IPCEF1: variants seen among roughly 807,000 people sequenced by gnomAD.
IPCEF1 encodes interactor protein for cytohesin exchange factors 1.
Under a neutral mutation model 50.9 loss-of-function variants are expected in IPCEF1, and 31 were observed. The observed-to-expected ratio is 0.61, with a 90% confidence interval of 0.46 to 0.82. The LOEUF (loss-of-function observed/expected upper bound fraction) is 0.82. Ranked by LOEUF, IPCEF1 falls within the 40% of genes least tolerant of loss-of-function variation. The pLI is 0.00. For synonymous variants in IPCEF1, 181 were observed against 192.0 expected (o/e 0.94, Z 0.47); for missense variants, 458 against 514.0 (o/e 0.89, Z 1.05).
chr6:154,296,784 A>G (rs1333615901), intron 1 of IPCEF1, among the ~76,000 whole-genome samples: 1 of 147,464 alleles, frequency 6.8e-6, no homozygotes, highest in Non-Finnish European at 1.5e-5. Flanking sequence ...AGCGGAGATC[A>G]CCCCACTGCA....
intron 1 of IPCEF1, among the ~76,000 whole-genome samples, chr6:154,326,570 C>CA (rs1485283407): frequency 6.6e-6 from 1 of 151,962 alleles, no homozygotes; most frequent in Non-Finnish European, 1.5e-5. Flanking sequence ...AGAGAGGACA[C>CA]AAAAAAATGG....
intron 3 of IPCEF1, among the ~76,000 whole-genome samples, chr6:154,252,338 G>T (rs531475034): frequency 6.6e-6 from 1 of 152,250 alleles, no homozygotes; most frequent in African/African-American, 2.4e-5. Context: ...CAAGAGAAAG[G>T]TAGGTCCAAA....
chr6:154,189,267 G>C (rs1200156287), intron 10 of IPCEF1, among the ~76,000 whole-genome samples: 1 of 152,196 alleles, frequency 6.6e-6, no homozygotes, highest in African/African-American at 2.4e-5. Context: ...GGGGCTTTGA[G>C]AGCGCTCATC....
intron 1 of IPCEF1, among the ~76,000 whole-genome samples, chr6:154,324,414 T>C (rs1230471571): frequency 1.3e-5 from 2 of 151,330 alleles, no homozygotes; most frequent in Admixed American, 1.3e-4. Context: ...TGAAAAATAA[T>C]AATAAAATAA....
intron 5 of IPCEF1, among the ~76,000 whole-genome samples, chr6:154,230,624 A>T (rs763427634): frequency 5.4e-4 from 83 of 152,358 alleles, no homozygotes; most frequent in South Asian, 2.7e-3. Flanking sequence ...GGACCAAGCC[A>T]GAAACAGATG....
At position 154,207,984 on chromosome 6, in the gene IPCEF1, C is replaced by T. The variant is rs779593925; in HGVS notation, c.537+4786G>A. ...CACCCCACTGCTATCCCGATGGAAT[C>T]GCTGCCATCTTTTGCAATAGCTTAC... is the stretch of plus-strand genomic sequence containing the variant. On this transcript the variant is annotated intron_variant, in intron 9 of 11. Transcript: ENST00000367220. Among the ~76,000 whole-genome samples, 6 of 152,162 alleles carry T rather than the reference C, an allele frequency of 3.9e-5. No individual in the cohort carries two copies. The South Asian group carries it at 6.2e-4, about 16-fold the overall frequency.
chr6:154,297,624 A>G (rs1782697219), intron 1 of IPCEF1, among the ~76,000 whole-genome samples: 1 of 152,252 alleles, frequency 6.6e-6, no homozygotes, highest in African/African-American at 2.4e-5. Context: ...GAAAAAGTTA[A>G]TAGAGGAAAA....
At chr6:154,210,303 T>C (rs908361215) in intron 9 of IPCEF1, among the ~76,000 whole-genome samples, 17 of 152,038 alleles carry the variant, frequency 1.1e-4, no homozygotes, top group Admixed American at 9.8e-4. Context: ...TAAATAATCA[T>C]AAAAAGAGGT....
chr6:154,296,308 A>C (rs2128672088), intron 1 of IPCEF1, among the ~76,000 whole-genome samples: 1 of 152,242 alleles, frequency 6.6e-6, no homozygotes, highest in South Asian at 2.1e-4. Flanking sequence ...TAAAGAAGAC[A>C]AGGGAGTGTG....
rs1434633225 is a variant in IPCEF1, at chr6:154,212,829, C to T, written c.478G>A (p.Asp160Asn). Residue 160 changes from aspartate to asparagine, a missense_variant, in exon 9 of 12, where the codon GAT becomes AAT. Transcript: ENST00000367220. ...GGTGTCTCCGCAGCTATTTCTGGAT[C>T]TTCCTGTTCACTTTCACTGTAACAT... is the stretch of plus-strand genomic sequence containing the variant. ...EECYSESEQEDPEIAAETPPP... is the reference protein window; with the variant it reads ...EECYSESEQENPEIAAETPPP... 1.2e-6 allele frequency: 2 copies of T among 1,613,288 alleles called. No homozygotes were observed. The highest frequency in any genetic ancestry group is 4.5e-5 in the East Asian group (2 of 44,890).
intron 2 of IPCEF1, 82 bp downstream of exon 2, chr6:154,289,630 TA>T (rs1782461138): frequency 6.6e-6 from 1 of 152,046 alleles, no homozygotes. Context: ...CAAACTAGAA[TA>T]ACAAAGTGAA....
At chr6:154,235,347 A>G (rs1275410890) in intron 5 of IPCEF1, among the ~76,000 whole-genome samples, 2 of 152,144 alleles carry the variant, frequency 1.3e-5, no homozygotes, top group African/African-American at 4.8e-5. Flanking sequence ...CCTGGCCCAC[A>G]TGGCGAAAAC....
intron 2 of IPCEF1, among the ~76,000 whole-genome samples, chr6:154,281,657 C>T (rs112239332): frequency 1.3e-5 from 2 of 151,896 alleles, no homozygotes; most frequent in African/African-American, 2.4e-5. Context: ...GGCCAGGGTA[C>T]GAGATCAGCC....
At chr6:154,302,184 TCTG>T (rs1782813171) in intron 1 of IPCEF1, among the ~76,000 whole-genome samples, 1 of 152,348 alleles carries the variant, frequency 6.6e-6, no homozygotes, top group Admixed American at 6.5e-5. Flanking sequence ...ACAGCTAGCT[TCTG>T]TTATTGAGTT....
At chr6:154,278,252 A>AT (rs112533686) in intron 2 of IPCEF1, among the ~76,000 whole-genome samples, 6,194 of 152,224 alleles carry the variant, frequency 0.041, 435 homozygotes, top group African/African-American at 0.14. Flanking sequence ...ACTTCATGGG[A>AT]TTTTACATCT....
chr6:154,262,524 T>C (rs916916017), intron 3 of IPCEF1, among the ~76,000 whole-genome samples: 1 of 152,152 alleles, frequency 6.6e-6, no homozygotes, highest in African/African-American at 2.4e-5. Flanking sequence ...TAACTGAATG[T>C]TCCAATGAAC....
chr6:154,185,232 A>C (rs1377676485), intron 10 of IPCEF1, among the ~76,000 whole-genome samples: 1 of 152,212 alleles, frequency 6.6e-6, no homozygotes. Flanking sequence ...GGTCCTGCCA[A>C]GGAGGAGGGT....
intron 10 of IPCEF1, among the ~76,000 whole-genome samples, chr6:154,186,384 T>C (rs1369226963): frequency 6.6e-6 from 1 of 152,206 alleles, no homozygotes; most frequent in Non-Finnish European, 1.5e-5. Context: ...CATTGTCTCA[T>C]TTTAAAATAT....
intron 2 of IPCEF1, among the ~76,000 whole-genome samples, chr6:154,288,402 G>C (rs545742418): frequency 1.3e-5 from 2 of 152,124 alleles, no homozygotes; most frequent in African/African-American, 4.8e-5. Context: ...GGTGGCTCAC[G>C]CCTGTAATCC....
Sources: allele counts gnomAD v4.1 joint callset (sites outside exome capture counted in the v4.1 genomes callset), GRCh38; gene constraint gnomAD v4.1.1; transcripts MANE v1.5; gene names NCBI Gene and HGNC (gene_info 2026-07-23, HGNC 2026-07-21).